The following NSUN3 variants were observed in gnomAD, a reference collection of about 807,000 sequenced individuals.
The protein encoded by NSUN3 is NOP2/Sun RNA methyltransferase 3.
In NSUN3, 24 loss-of-function variants were observed where a neutral mutation model predicts 36.8. That is an observed-to-expected ratio of 0.65 (90% CI 0.47 to 0.92). The LOEUF is 0.92. Ranked by LOEUF, NSUN3 falls within the 40% of genes least tolerant of loss-of-function variation. NSUN3 has a pLI of 0.00. For synonymous variants in NSUN3, 146 were observed against 145.2 expected, an observed-to-expected ratio of 1.01 and a Z score of -0.04; for missense variants, 381 against 392.8, an observed-to-expected ratio of 0.97 and a Z score of 0.25.
At chr3:94,070,872 C>T (rs2077222545) in intron 2 of NSUN3, among the ~76,000 whole-genome samples, 1 of 152,152 alleles carries the variant, frequency 6.6e-6, no homozygotes, top group African/African-American at 2.4e-5. Context: ...GTAAAGGAGC[C>T]TTGATTGAGA....
chr3:94,064,565 G>T lies in NSUN3; in HGVS notation c.122+19G>T, dbSNP rs145478857. On this transcript the variant is annotated intron_variant, in intron 2 of 5. Coordinates refer to ENST00000314622, the MANE Select transcript of NSUN3 (RefSeq NM_022072.5). ...CAGTAAGGTTAGTATAATTCATCTC[G>T]ATGCTTTATGATGGAACAAAGTACA... is the stretch of plus-strand genomic sequence containing the variant. 982 of 1,377,474 alleles carry T rather than the reference G, an allele frequency of 7.1e-4. 5 individuals are homozygous for T. In the African/African-American group the frequency reaches 0.012, roughly 16 times the overall value. The allele number at this position is 1,377,474 out of a possible 1,614,324, so 85.3% of individuals were successfully genotyped here. A position where few individuals can be genotyped will look rare whatever the true frequency, so the allele number is the denominator to read the frequency against.
intron 5 of NSUN3, among the ~76,000 whole-genome samples, chr3:94,108,650 C>A (rs548048414): frequency 6.6e-6 from 1 of 150,916 alleles, no homozygotes; most frequent in East Asian, 2.0e-4. Flanking sequence ...TGAGCCACCG[C>A]GCCTGGCCTT....
In NSUN3 at chr3:94,122,965, T is replaced by C. The variant is rs116372590; in HGVS notation, c.744-3246T>C. 7.6e-3 allele frequency among the ~76,000 whole-genome samples: 1,163 copies of C among 152,330 alleles called. 19 individuals are homozygous for C. Among genetic ancestry groups the C allele is most frequent in the African/African-American group, 0.026 (1,076 of 41,560 alleles). ...TATTGTCCACTGCATAATGGAATAA[T>C]ATGTTAGAATTAAAATTCCTTGTCT... On this transcript the variant is annotated intron_variant, in intron 5 of 5. Transcript: ENST00000314622.
chr3:94,107,515 G>C (rs1250098754), intron 5 of NSUN3, among the ~76,000 whole-genome samples: 1 of 152,026 alleles, frequency 6.6e-6, no homozygotes, highest in African/African-American at 2.4e-5. Flanking sequence ...TCAAACTCCT[G>C]TACTCAAGTA....
rs546463260 is a variant in NSUN3, at chr3:94,070,907, C to G, written c.122+6361C>G. Among the ~76,000 whole-genome samples the G allele has an allele frequency of 4.5e-4, 69 of 152,306 alleles. 1 individual carries two copies. The South Asian group carries it at 0.013, about 29-fold the overall frequency. On this transcript the variant is annotated intron_variant, in intron 2 of 5. Coordinates refer to ENST00000314622, the MANE Select transcript of NSUN3 (RefSeq NM_022072.5). ...ATGTCAGCTATCAATTCATTTAAGA[C>G]ATTTTTGATGATAGGTTGCTAAGTG... is the stretch of plus-strand genomic sequence containing the variant.
rs79554888 is a variant in NSUN3, at chr3:94,107,882, C to A, written c.743+12728C>A. ...CCTCATTAACAGGCTATTTTACTTT[C>A]TGTAGGAATTTATTATTTACGACCC... On this transcript the variant is annotated intron_variant, in intron 5 of 5. Coordinates refer to ENST00000314622, the MANE Select transcript of NSUN3 (RefSeq NM_022072.5). Among the ~76,000 whole-genome samples, 20 of 151,342 alleles carry A rather than the reference C, an allele frequency of 1.3e-4. No individual in the cohort carries two copies. The East Asian group carries it at 3.1e-3, about 24-fold the overall frequency.
intron 5 of NSUN3, among the ~76,000 whole-genome samples, chr3:94,108,393 G>T (rs1576097426): frequency 6.6e-6 from 1 of 152,290 alleles, no homozygotes; most frequent in African/African-American, 2.4e-5. Flanking sequence ...ACGGAGTCTT[G>T]CTCTGTTGCC....
chr3:94,084,220 AG>A lies in NSUN3; in HGVS notation c.239del (p.Gly80AspfsTer10), dbSNP rs751773140. The A allele has an allele frequency of 1.9e-6, 3 of 1,614,044 alleles. No individual in the cohort carries two copies. The African/African-American group carries it at 4.0e-5, about 22-fold the overall frequency. Reference sequence around the variant, plus strand: ...TTGAAGGGCTATCACACACTCTCTCAGGGATCTTTACCCAACTATCCTAAAT... The same window carrying A: ...TTGAAGGGCTATCACACACTCTCTCAGGATCTTTACCCAACTATCCTAAAT... ...LHLKGYHTLS[Q>X]GSLPNYPKSV... On this transcript the variant is annotated frameshift_variant, in exon 3 of 6. Coordinates refer to ENST00000314622, the MANE Select transcript of NSUN3 (RefSeq NM_022072.5). LOFTEE classifies it high-confidence loss of function.
At chr3:94,066,728 T>C (rs2077205238) in intron 2 of NSUN3, among the ~76,000 whole-genome samples, 2 of 152,158 alleles carry the variant, frequency 1.3e-5, no homozygotes, top group Non-Finnish European at 2.9e-5. Context: ...TAAGATTTAG[T>C]CCCATACTTC....
chr3:94,114,816 G>C (rs146669285), intron 5 of NSUN3, among the ~76,000 whole-genome samples: 106 of 152,206 alleles, frequency 7.0e-4, no homozygotes, highest in Non-Finnish European at 1.0e-4. Flanking sequence ...CTTTATGTCC[G>C]TGAGTACACA....
At chr3:94,092,936 A>AAG (rs1560034841) in intron 3 of NSUN3, among the ~76,000 whole-genome samples, 2 of 149,928 alleles carry the variant, frequency 1.3e-5, no homozygotes, top group Non-Finnish European at 3.0e-5. Flanking sequence ...AAAAAAAAAA[A>AAG]AAAAAAAAAG....
intron 5 of NSUN3, among the ~76,000 whole-genome samples, chr3:94,114,612 T>A (rs58672160): frequency 7.5e-4 from 115 of 152,344 alleles, no homozygotes; most frequent in East Asian, 1.7e-3. Context: ...CTTATTTTTT[T>A]AAATAATTTA....
At chr3:94,115,499 G>T (rs1358021602) in intron 5 of NSUN3, among the ~76,000 whole-genome samples, 1 of 152,140 alleles carries the variant, frequency 6.6e-6, no homozygotes, top group Non-Finnish European at 1.5e-5. Flanking sequence ...TTTTTCAAGA[G>T]CACAGACATG....
chr3:94,131,768 T>G lies in NSUN3; in HGVS notation c.*5278T>G, dbSNP rs569302576. Among the ~76,000 whole-genome samples the G allele has an allele frequency of 1.7e-3, 265 of 152,324 alleles. 1 individual carries two copies. The highest frequency in any genetic ancestry group is 3.0e-3 in the Non-Finnish European group (202 of 68,020). ...GCTTACCAACACATTAACTTCTCCCTGCCGTCCACACGCTGAACAGCCACT... is the reference window on the plus strand; with the variant it reads ...GCTTACCAACACATTAACTTCTCCCGGCCGTCCACACGCTGAACAGCCACT... On this transcript the variant is annotated 3_prime_UTR_variant, in exon 6 of 6. Transcript: ENST00000314622.
At chr3:94,107,120 G>T (rs981407190) in intron 5 of NSUN3, among the ~76,000 whole-genome samples, 2 of 152,130 alleles carry the variant, frequency 1.3e-5, no homozygotes, top group African/African-American at 2.4e-5. Flanking sequence ...TTGTAGAAAT[G>T]AGGTTTTGCC....
chr3:94,080,047 T>C (rs902064301), intron 2 of NSUN3, among the ~76,000 whole-genome samples: 3 of 152,182 alleles, frequency 2.0e-5, no homozygotes, highest in African/African-American at 7.2e-5. Context: ...TGCACTGGTT[T>C]CTCCCCATCT....
chr3:94,070,680 TC>T (rs1458758460), intron 2 of NSUN3, among the ~76,000 whole-genome samples: 1 of 152,318 alleles, frequency 6.6e-6, no homozygotes, highest in South Asian at 2.1e-4. Context: ...TTCTCCAATT[TC>T]CCTTCACCCT....
At chr3:94,075,716 C>G (rs1028549867) in intron 2 of NSUN3, among the ~76,000 whole-genome samples, 8 of 151,480 alleles carry the variant, frequency 5.3e-5, no homozygotes, top group African/African-American at 1.7e-4. Context: ...AAGTCTGTGG[C>G]TTTGCTGAAT....
In NSUN3 at chr3:94,131,658, G is replaced by A. The variant is rs1182903812; in HGVS notation, c.*5168G>A. Among the ~76,000 whole-genome samples, 2 of 152,204 alleles carry A rather than the reference G, an allele frequency of 1.3e-5. No individual in the cohort carries two copies. The highest frequency in any genetic ancestry group is 2.9e-5 in the Non-Finnish European group (2 of 68,040). On this transcript the variant is annotated 3_prime_UTR_variant, in exon 6 of 6. Transcript: ENST00000314622. ...AATGGAAATTTGGAGCAGACTTGCA[G>A]TGTCAATTGTAAAGCAAAGAGTAAT...
Sources: gnomAD v4.1 joint callset for allele counts (sites outside exome capture counted in the v4.1 genomes callset) on GRCh38, gnomAD v4.1.1 for gene constraint, MANE v1.5 for transcripts, NCBI Gene and HGNC (gene_info 2026-07-23, HGNC 2026-07-21) for gene names.